The following TP63 variants were observed in gnomAD, a reference collection of about 807,000 sequenced individuals.
TP63 encodes the protein tumor protein p63.
Under a neutral mutation model 82.8 loss-of-function variants are expected in TP63, and 17 were observed. That is an observed-to-expected ratio of 0.21 (90% CI 0.14 to 0.31). The LOEUF (loss-of-function observed/expected upper bound fraction) is 0.31, where lower values mean the gene tolerates loss of function less well. Among genes scored for constraint, TP63 ranks in the 10% least tolerant of loss-of-function variants. The pLI is 1.00. For synonymous variants in TP63, 330 were observed against 321.7 expected (o/e 1.03, Z -0.28); for missense variants, 648 against 895.3 (o/e 0.72, Z 3.52).
At chr3:189,830,066 C>T (rs1011845503) in intron 4 of TP63, 3 of 213,342 alleles carry the variant, frequency 1.4e-5, no homozygotes, top group African/African-American at 2.4e-5. Flanking sequence ...GAAAGGCCAA[C>T]GGTCATTTAG....
chr3:189,621,062 T>C, the TP63 span, among the ~76,000 whole-genome samples: 1 of 152,200 alleles, frequency 6.6e-6, no homozygotes, highest in African/African-American at 2.4e-5. Flanking sequence ...ATTTATCCCA[T>C]GACTAAAGCT....
intron 1 of TP63, among the ~76,000 whole-genome samples, chr3:189,635,765 A>G (rs952151490): frequency 6.6e-6 from 1 of 152,058 alleles, no homozygotes; most frequent in Non-Finnish European, 1.5e-5. Context: ...TTTCCTCAAT[A>G]TCTTTTTTCT....
At chr3:189,733,970 A>G (rs1045493167) in intron 1 of TP63, among the ~76,000 whole-genome samples, 26 of 151,982 alleles carry the variant, frequency 1.7e-4, no homozygotes, top group African/African-American at 5.3e-4. Flanking sequence ...TAACTTTGTT[A>G]ATTCCTTCCC....
At position 189,737,738 on chromosome 3, in the gene TP63, A is replaced by AG. The variant is rs769037942; in HGVS notation, c.63-1dup. 6.2e-7 allele frequency: 1 copy of AG among 1,613,868 alleles called. No individual in the cohort carries two copies. The highest frequency in any genetic ancestry group is 1.1e-5 in the South Asian group (1 of 91,084). On this transcript the variant is annotated splice_acceptor_variant, in intron 1 of 13. Coordinates refer to ENST00000264731, the MANE Select transcript of TP63 (RefSeq NM_003722.5). LOFTEE classifies it high-confidence loss of function. Reference sequence around the variant, plus strand: ...TACTAGTTTCATTTTTGTCCTTTTAAGTTTCGTAGAAACCCCAGCTCATTT... The same window carrying AG: ...TACTAGTTTCATTTTTGTCCTTTTAAGGTTTCGTAGAAACCCCAGCTCATTT...
chr3:189,893,626 T>C (rs1054439670), intron 13 of TP63, among the ~76,000 whole-genome samples: 4 of 152,216 alleles, frequency 2.6e-5, no homozygotes, highest in African/African-American at 9.6e-5. Context: ...GTTCTGAGGA[T>C]GCCCTAAGTC....
chr3:189,789,077 G>T (rs1300418889), intron 3 of TP63, among the ~76,000 whole-genome samples: 2 of 151,966 alleles, frequency 1.3e-5, no homozygotes, highest in African/African-American at 4.8e-5. Context: ...GAAAAAATCA[G>T]GTAGCTTATT....
rs148331434 is a variant in TP63 at position 189,669,492 on chromosome 3, TG to T, written c.62+37916del. On this transcript the variant is annotated intron_variant, in intron 1 of 13. Coordinates refer to ENST00000264731, the MANE Select transcript of TP63 (RefSeq NM_003722.5). ...AATTGGGCAAATAGAAAATGTTTTT[TG>T]TTTCTCGAATTTTCCTGAGGAAACA... Among the ~76,000 whole-genome samples, 255 of 152,200 alleles carry T rather than the reference TG, an allele frequency of 1.7e-3. 9 individuals carry two copies. The East Asian group carries it at 0.042, about 25-fold the overall frequency.
intron 11 of TP63, among the ~76,000 whole-genome samples, chr3:189,888,544 A>G (rs1378691716): frequency 2.0e-5 from 3 of 152,164 alleles, no homozygotes; most frequent in Non-Finnish European, 4.4e-5. Context: ...AGTGGCAAAG[A>G]CCTTTTCTAG....
At chr3:189,654,346 G>GAA (rs1560087221) in intron 1 of TP63, among the ~76,000 whole-genome samples, 1 of 151,900 alleles carries the variant, frequency 6.6e-6, no homozygotes, top group African/African-American at 2.4e-5. Flanking sequence ...AAATGTATGT[G>GAA]AAAAAATCCA....
At chr3:189,800,640 G>A (rs758957722) in intron 3 of TP63, among the ~76,000 whole-genome samples, 6 of 152,166 alleles carry the variant, frequency 3.9e-5, no homozygotes, top group South Asian at 2.1e-4. Flanking sequence ...TTACTGGTTC[G>A]ACATCCAGGC....
At chr3:189,637,703 G>A (rs1039834525) in intron 1 of TP63, among the ~76,000 whole-genome samples, 11 of 152,104 alleles carry the variant, frequency 7.2e-5, no homozygotes, top group Admixed American at 4.6e-4. Context: ...TGACCTACCT[G>A]GGAGGTAGGC....
intron 10 of TP63, among the ~76,000 whole-genome samples, chr3:189,886,181 A>C (rs1416129991): frequency 6.6e-6 from 1 of 152,228 alleles, no homozygotes; most frequent in African/African-American, 2.4e-5. Context: ...ATTCAGGAAA[A>C]ATATGATTTG....
At chr3:189,731,685 T>C (rs1246095071) in intron 1 of TP63, among the ~76,000 whole-genome samples, 3 of 152,202 alleles carry the variant, frequency 2.0e-5, no homozygotes, top group Non-Finnish European at 4.4e-5. Context: ...TAAAGTTCTT[T>C]CTTCCTGAAT....
intron 3 of TP63, among the ~76,000 whole-genome samples, chr3:189,766,362 C>G (rs1456866304): frequency 6.6e-6 from 1 of 152,100 alleles, no homozygotes; most frequent in African/African-American, 2.4e-5. Context: ...ATTGCAAAAA[C>G]CCAAACACAA....
At chr3:189,660,548 C>CT (rs35068410) in intron 1 of TP63, among the ~76,000 whole-genome samples, 2 of 151,948 alleles carry the variant, frequency 1.3e-5, no homozygotes, top group Non-Finnish European at 2.9e-5. Flanking sequence ...TTTTCAGGCT[C>CT]TTTTTTTGCT....
intron 10 of TP63, among the ~76,000 whole-genome samples, chr3:189,881,718 A>G (rs964161430): frequency 6.6e-6 from 1 of 152,320 alleles, no homozygotes; most frequent in Admixed American, 6.5e-5. Context: ...TAAAATGCCT[A>G]AACTAACTTA....
At chr3:189,668,784 G>A (rs553774183) in intron 1 of TP63, among the ~76,000 whole-genome samples, 16 of 152,138 alleles carry the variant, frequency 1.1e-4, no homozygotes, top group South Asian at 2.1e-4. Context: ...AAGTCAAGGC[G>A]GGAGGATTGC....
chr3:189,736,583 C>T lies in TP63; in HGVS notation c.63-1157C>T, dbSNP rs531236731. On this transcript the variant is annotated intron_variant, in intron 1 of 13. Coordinates refer to ENST00000264731, the MANE Select transcript of TP63 (RefSeq NM_003722.5). ...TGTTTTCCTGTCTTTCCTTCTATAC[C>T]ATCAATTCCTAGAAGATGAGACAGT... Among the ~76,000 whole-genome samples, 10 of 152,140 alleles carry T rather than the reference C, an allele frequency of 6.6e-5. No individual in the cohort carries two copies. In the South Asian group the frequency reaches 2.1e-3, roughly 32 times the overall value.
chr3:189,793,075 G>A (rs1725324059), intron 3 of TP63, among the ~76,000 whole-genome samples: 1 of 152,002 alleles, frequency 6.6e-6, no homozygotes, highest in Admixed American at 6.6e-5. Flanking sequence ...TTTAATTAGT[G>A]TCAGCCAGGT....
Sources: allele counts gnomAD v4.1 joint callset (sites outside exome capture counted in the v4.1 genomes callset), GRCh38; gene constraint gnomAD v4.1.1; transcripts MANE v1.5; gene names NCBI Gene and HGNC (gene_info 2026-07-23, HGNC 2026-07-21).